EML1: variants seen among roughly 807,000 people sequenced by gnomAD.
The protein encoded by EML1 is EMAP like 1, also known as echinoderm microtubule-associated protein-like 1.
EML1 carries 27 observed loss-of-function variants against 110.4 expected under a neutral mutation model. The observed-to-expected ratio is 0.24, with a 90% CI of 0.18 to 0.34. The LOEUF is 0.34. Among genes scored for constraint, EML1 ranks in the 10% least tolerant of loss-of-function variants. The pLI is 1.00. For synonymous variants in EML1, 344 were observed against 385.8 expected (o/e 0.89, Z 1.27); for missense variants, 741 against 1,030.9 (o/e 0.72, Z 3.85).
rs1484997380 is a variant in EML1 at position 99,827,423 on chromosome 14, A to G, written c.68-23430A>G. Reference sequence around the variant, plus strand: ...TAGTAGCCACAAGTAAGGTGCAAATACCCTTGCAGCGTATCCAGGCCCAGT... The same window carrying G: ...TAGTAGCCACAAGTAAGGTGCAAATGCCCTTGCAGCGTATCCAGGCCCAGT... On this transcript the variant is annotated intron_variant, in intron 1 of 21. Transcript: ENST00000262233. The surrounding 1 kb of genome is among the most constrained non-coding windows in gnomAD (Gnocchi z 4.4). Among the ~76,000 whole-genome samples, 3 of 152,142 alleles carry G rather than the reference A, an allele frequency of 2.0e-5. No homozygotes were observed. Among genetic ancestry groups the G allele is most frequent in the African/African-American group, 4.8e-5 (2 of 41,416 alleles).
At chr14:99,926,217 G>A (rs1233765244) in intron 17 of EML1, among the ~76,000 whole-genome samples, 6 of 151,876 alleles carry the variant, frequency 4.0e-5, no homozygotes, top group African/African-American at 1.5e-4. Context: ...ATGGGGAGAG[G>A]ATTGGCCAAC....
At chr14:99,866,570 C>CAA (rs57796662) in intron 3 of EML1, among the ~76,000 whole-genome samples, 2,960 of 79,820 alleles carry the variant, frequency 0.037, 392 homozygotes, top group Middle Eastern at 0.098. Context: ...AACTCCATCT[C>CAA]AAAAAAAAAA....
intron 1 of EML1, among the ~76,000 whole-genome samples, chr14:99,788,365 A>G (rs777642538): frequency 6.6e-6 from 1 of 152,208 alleles, no homozygotes; most frequent in Non-Finnish European, 1.5e-5. Flanking sequence ...GTAAATACCA[A>G]TGTTTCCAGC....
chr14:99,900,832 AG>A, intron 8 of EML1, 96 bp from the exon 9 acceptor site: 1 of 1,005,264 alleles, frequency 9.9e-7, no homozygotes, highest in African/African-American at 1.6e-5. Flanking sequence ...GTTTTGACAA[AG>A]TCCGAGTTAC....
At chr14:99,911,969 T>G (rs2059954103) in intron 13 of EML1, among the ~76,000 whole-genome samples, 1 of 151,748 alleles carries the variant, frequency 6.6e-6, no homozygotes, top group Admixed American at 6.6e-5. Context: ...GATCACAGTT[T>G]ACTGCAACCT....
rs2060550197 is a variant in EML1, at chr14:99,939,769, G to A, written c.2323-218G>A. On this transcript the variant is annotated intron_variant, in intron 21 of 21. Transcript: ENST00000262233. This position sits in a 1 kb window ranked among gnomAD's most constrained non-coding sequence, Gnocchi z 4.2. ...TGAGCATATCTCTCGGCTGAGGGCG[G>A]TCATTTGCTCGTGTCTGTCCCCTAC... 6.6e-6 allele frequency among the ~76,000 whole-genome samples: 1 copy of A among 152,070 alleles called. No individual in the cohort carries two copies. The highest frequency in any genetic ancestry group is 6.5e-5 in the Admixed American group (1 of 15,280).
chr14:99,772,125 C>T (rs2057433874), upstream of EML1, among the ~76,000 whole-genome samples: 1 of 152,180 alleles, frequency 6.6e-6, no homozygotes, highest in African/African-American at 2.4e-5. Flanking sequence ...CTGTGTTGTA[C>T]ACTCTTGATT....
chr14:99,781,413 C>T lies in EML1; in HGVS notation c.-27+7400C>T, dbSNP rs1161125777. Among the ~76,000 whole-genome samples the T allele has an allele frequency of 6.6e-6, 1 of 152,160 alleles. No individual in the cohort carries two copies. Among genetic ancestry groups the T allele is most frequent in the Non-Finnish European group, 1.5e-5 (1 of 68,028 alleles). On this transcript the variant is annotated intron_variant, in intron 1 of 22. Coordinates refer to the EML1 transcript ENST00000327921. The surrounding 1 kb of genome is among the most constrained non-coding windows in gnomAD (Gnocchi z 4.2). ...CACTCACTTCCTGATTCCTACACCC[C>T]ACCACTCCTGCCCTCTAGACCCCAG... is the stretch of plus-strand genomic sequence containing the variant.
chr14:99,833,605 A>G (rs928189596), intron 1 of EML1, among the ~76,000 whole-genome samples: 4 of 152,220 alleles, frequency 2.6e-5, no homozygotes, highest in African/African-American at 4.8e-5. Context: ...ATGAACAGCA[A>G]TGAGTCTTCC....
At chr14:99,740,353 C>T (rs2057027864) in intron 1 of EML1, among the ~76,000 whole-genome samples, 1 of 152,166 alleles carries the variant, frequency 6.6e-6, no homozygotes, top group African/African-American at 2.4e-5. Context: ...CCTGCACACC[C>T]AAGGAGGGCG....
At chr14:99,748,810 G>A (rs1441233173) in intron 1 of EML1, among the ~76,000 whole-genome samples, 2 of 152,108 alleles carry the variant, frequency 1.3e-5, no homozygotes, top group African/African-American at 4.8e-5. Context: ...CATTAGTAGC[G>A]ACCCCTTCTA....
intron 12 of EML1, among the ~76,000 whole-genome samples, chr14:99,910,912 C>T (rs866733003): frequency 6.6e-6 from 1 of 152,168 alleles, no homozygotes; most frequent in East Asian, 1.9e-4. Flanking sequence ...TCCCTTTTCT[C>T]AAGGATCTTA....
rs796891426 is a variant in EML1 at position 99,882,835 on chromosome 14, A to G, written c.518+4216A>G. Among the ~76,000 whole-genome samples, 65 of 148,864 alleles carry G rather than the reference A, an allele frequency of 4.4e-4. 1 individual carries two copies. Among genetic ancestry groups the G allele is most frequent in the African/African-American group, 1.6e-3 (62 of 39,052 alleles). ...AGTCAACAAACATGAAAAAAAAAAA[A>G]CCCACCTCAAAATAGTGAAGACGTT... On this transcript the variant is annotated intron_variant, in intron 4 of 21. Transcript: ENST00000262233.
intron 16 of EML1, among the ~76,000 whole-genome samples, chr14:99,920,275 C>G (rs986223861): frequency 6.6e-6 from 1 of 152,176 alleles, no homozygotes; most frequent in Non-Finnish European, 1.5e-5. Context: ...TGTGCTTTCC[C>G]TCGCCCTGTT....
chr14:99,757,546 C>T (rs1381593744), intron 1 of EML1, among the ~76,000 whole-genome samples: 1 of 152,132 alleles, frequency 6.6e-6, no homozygotes, highest in Non-Finnish European at 1.5e-5. Flanking sequence ...AAGGCTTCAA[C>T]CTAACTTTTT....
chr14:99,825,489 ACTATCAAGGGGCAGAACTGAGTGT>A (rs1484824058), intron 1 of EML1, among the ~76,000 whole-genome samples: 1 of 152,160 alleles, frequency 6.6e-6, no homozygotes, highest in Non-Finnish European at 1.5e-5. Flanking sequence ...GAGATCACAT[ACTATCAAGGGGCAGAACTGAGTGT>A]CCTAACTCGA....
chr14:99,850,817 A>G (rs2058783996), intron 1 of EML1, 36 bp from the exon 2 acceptor site: 2 of 1,599,076 alleles, frequency 1.3e-6, no homozygotes, highest in African/African-American at 1.3e-5. Flanking sequence ...TTTCCGGGGA[A>G]CACTTAAAGC....
upstream of EML1, among the ~76,000 whole-genome samples, chr14:99,771,772 A>C (rs2057430712): frequency 1.3e-5 from 2 of 152,340 alleles, no homozygotes. Context: ...TGATCATGCC[A>C]CCATACTTCG....
chr14:99,873,127 G>A (rs1466056024), intron 3 of EML1, among the ~76,000 whole-genome samples: 1 of 152,172 alleles, frequency 6.6e-6, no homozygotes, highest in Non-Finnish European at 1.5e-5. Flanking sequence ...GCTGACAATG[G>A]AGTAACATTT....
Sources: allele counts gnomAD v4.1 joint callset (sites outside exome capture counted in the v4.1 genomes callset), GRCh38; gene constraint gnomAD v4.1.1; non-coding constraint Gnocchi (gnomAD v3.1); transcripts MANE v1.5; gene names NCBI Gene and HGNC (gene_info 2026-07-23, HGNC 2026-07-21).